The following CUBN variants were observed in gnomAD, a reference collection of about 807,000 sequenced individuals.
CUBN encodes cubilin, also known as 460 kDa receptor.
A neutral mutation model predicts 405.3 loss-of-function variants in CUBN; 282 were observed. The ratio of observed to expected loss-of-function variants is 0.70; its 90% CI spans 0.63 to 0.77. The LOEUF (loss-of-function observed/expected upper bound fraction) is 0.77, where lower values mean the gene tolerates loss of function less well. CUBN is among the 30% of genes least tolerant of loss of function. The pLI, the probability that CUBN is intolerant of heterozygous loss-of-function variation, is 0.00. For synonymous variants in CUBN, 1,684 were observed against 1,617.0 expected (o/e 1.04, Z -0.99); for missense variants, 4,514 against 4,475.2 (o/e 1.01, Z -0.25).
intron 28 of CUBN, 74 bp from the exon 29 acceptor site, chr10:16,990,589 C>G (rs1031172398): frequency 7.5e-7 from 1 of 1,335,546 alleles, no homozygotes; most frequent in African/African-American, 1.5e-5. Context: ...ATTCAACTCA[C>G]CGAAAGGCCA....
chr10:17,065,492 A>C lies in CUBN; in HGVS notation c.3139+16T>G. ...ATGGAGTCAATAAAACCGAGTATGC[A>C]ATGCTGTTTTGTTACCTGTTGCTGC... is the stretch of plus-strand genomic sequence containing the variant. On this transcript the variant is annotated intron_variant, in intron 22 of 66. Coordinates refer to ENST00000377833, the MANE Select transcript of CUBN (RefSeq NM_001081.4). 6.2e-7 allele frequency: 1 copy of C among 1,612,674 alleles called. No homozygotes were observed. Among genetic ancestry groups the C allele is most frequent in the Non-Finnish European group, 8.5e-7 (1 of 1,178,928 alleles).
chr10:16,912,283 A>G (rs1479046518), intron 48 of CUBN, among the ~76,000 whole-genome samples: 1 of 152,208 alleles, frequency 6.6e-6, no homozygotes, highest in Non-Finnish European at 1.5e-5. Flanking sequence ...TTAAACTGAA[A>G]ACAAAAGTGG....
At chr10:17,007,316 C>T (rs1834053843) in intron 28 of CUBN, among the ~76,000 whole-genome samples, 1 of 152,060 alleles carries the variant, frequency 6.6e-6, no homozygotes, top group Admixed American at 6.6e-5. Context: ...CAGGGTGGGG[C>T]CCTCTTTGAG....
chr10:17,116,719 C>A (rs7900428), intron 6 of CUBN, among the ~76,000 whole-genome samples: 88,236 of 151,760 alleles, frequency 0.58, 26,675 homozygotes, highest in Non-Finnish European at 0.67. Context: ...CAAGAACCAA[C>A]CTCCAGGCAC....
At chr10:16,971,658 A>G (rs979773205) in intron 31 of CUBN, among the ~76,000 whole-genome samples, 1 of 152,168 alleles carries the variant, frequency 6.6e-6, no homozygotes, top group African/African-American at 2.4e-5. Context: ...TCAATTTCTT[A>G]TTCTAAAAAG....
chr10:16,862,993 T>C (rs926456840), intron 59 of CUBN, among the ~76,000 whole-genome samples: 2 of 152,238 alleles, frequency 1.3e-5, no homozygotes, highest in African/African-American at 2.4e-5. Flanking sequence ...AGTGGCAATC[T>C]AGTCATTGGT....
intron 31 of CUBN, among the ~76,000 whole-genome samples, chr10:16,959,233 T>C (rs770806523): frequency 1.2e-4 from 18 of 152,364 alleles, no homozygotes; most frequent in African/African-American, 4.1e-4. Flanking sequence ...TGTCATTTTA[T>C]GAAATTTTGA....
chr10:17,111,543 A>G (rs776949721), intron 8 of CUBN, among the ~76,000 whole-genome samples: 59 of 152,226 alleles, frequency 3.9e-4, no homozygotes, highest in Non-Finnish European at 7.2e-4. Flanking sequence ...CAAATACTAA[A>G]AACGCTTTTT....
At chr10:16,944,103 A>G (rs1438891732) in intron 36 of CUBN, among the ~76,000 whole-genome samples, 1 of 152,186 alleles carries the variant, frequency 6.6e-6, no homozygotes, top group Non-Finnish European at 1.5e-5. Flanking sequence ...TCACTTTCTA[A>G]AAGCACTCTG....
At chr10:16,910,353 C>T (rs954119158) in intron 48 of CUBN, among the ~76,000 whole-genome samples, 17 of 152,148 alleles carry the variant, frequency 1.1e-4, no homozygotes, top group Non-Finnish European at 2.5e-4. Context: ...CCCACATGCC[C>T]TTGTTTGGAG....
chr10:16,922,232 A>G (rs536889342), intron 43 of CUBN, among the ~76,000 whole-genome samples: 2 of 152,222 alleles, frequency 1.3e-5, no homozygotes, highest in East Asian at 1.9e-4. Context: ...GGATCCACCC[A>G]GCCAAAAACC....
At chr10:17,126,632 A>T in intron 4 of CUBN, 129 bp downstream of exon 4, 1 of 987,252 alleles carries the variant, frequency 1.0e-6, no homozygotes, top group Non-Finnish European at 1.6e-6. Flanking sequence ...GATGAGAATT[A>T]AATTATGGGA....
chr10:17,002,293 C>G (rs908163717), intron 28 of CUBN, among the ~76,000 whole-genome samples: 3 of 151,912 alleles, frequency 2.0e-5, no homozygotes, highest in African/African-American at 4.8e-5. Context: ...GTGTGGAATC[C>G]CCTGCAAAGT....
chr10:16,935,373 A>C (rs1040060681), intron 39 of CUBN, among the ~76,000 whole-genome samples: 3 of 151,868 alleles, frequency 2.0e-5, no homozygotes, highest in African/African-American at 7.2e-5. Context: ...GGCTGGTCTC[A>C]AACTCCTGGG....
chr10:16,915,183 C>T lies in CUBN; in HGVS notation c.7211-11G>A. ...TGCCCAAGATGTTTCCTGTGAGAGA[C>T]AAATAATTAAATATACATGTCCAAG... On this transcript the variant is annotated splice_polypyrimidine_tract_variant and intron_variant, in intron 46 of 66. Transcript: ENST00000377833. 6.2e-7 allele frequency: 1 copy of T among 1,613,386 alleles called. No individual in the cohort carries two copies. The highest frequency in any genetic ancestry group is 8.5e-7 in the Non-Finnish European group (1 of 1,179,896).
intron 44 of CUBN, among the ~76,000 whole-genome samples, chr10:16,919,282 A>G (rs1317279857): frequency 1.3e-5 from 2 of 152,246 alleles, no homozygotes; most frequent in Non-Finnish European, 2.9e-5. Flanking sequence ...AAGTCACATT[A>G]GCCAATTAAT....
intron 22 of CUBN, among the ~76,000 whole-genome samples, chr10:17,058,405 T>G (rs1835438666): frequency 6.6e-6 from 1 of 151,938 alleles, no homozygotes; most frequent in African/African-American, 2.4e-5. Flanking sequence ...GTTAAAAGCT[T>G]GAAAGTTCTG....
chr10:17,028,993 C>T (rs1189666848), intron 27 of CUBN, among the ~76,000 whole-genome samples: 2 of 152,204 alleles, frequency 1.3e-5, no homozygotes, highest in African/African-American at 2.4e-5. Context: ...CCCTGCCTTT[C>T]GCCAGTCTGA....
intron 60 of CUBN, among the ~76,000 whole-genome samples, chr10:16,846,899 CT>C (rs1055321653): frequency 2.0e-5 from 3 of 151,954 alleles, no homozygotes; most frequent in African/African-American, 7.3e-5. Flanking sequence ...ATGAGGACCT[CT>C]CTCTGCTGGT....
Sources: gnomAD v4.1 joint callset for allele counts (sites outside exome capture counted in the v4.1 genomes callset) on GRCh38, gnomAD v4.1.1 for gene constraint, MANE v1.5 for transcripts, NCBI Gene and HGNC (gene_info 2026-07-23, HGNC 2026-07-21) for gene names.